Variants in F10 observed in about 807,000 individuals in gnomAD.
The protein encoded by F10 is Stuart-Prower factor.
A neutral mutation model predicts 37.1 loss-of-function variants in F10; 29 were observed. That is an observed-to-expected ratio of 0.78 (90% CI 0.58 to 1.07). The LOEUF is 1.07. F10 is among the 50% of genes least tolerant of loss of function. The pLI, the probability that F10 is intolerant of heterozygous loss-of-function variation, is 0.00. For synonymous variants in F10, 262 were observed against 268.6 expected (o/e 0.98, Z 0.24); for missense variants, 539 against 667.9 (o/e 0.81, Z 2.13).
At position 113,126,788 on chromosome 13, in the gene F10, C is replaced by T. The variant is rs797006777; in HGVS notation, c.71-2664C>T. Among the ~76,000 whole-genome samples the T allele has an allele frequency of 2.0e-4, 31 of 152,326 alleles. 2 individuals carry two copies. In the South Asian group the frequency reaches 6.2e-3, roughly 31 times the overall value. On this transcript the variant is annotated intron_variant, in intron 1 of 7. Transcript: ENST00000375559. The stretch of plus-strand genomic sequence containing the variant: ...CCAGTTTGGGAAACACTAAGCCAGG[C>T]TTGGATAACTTGTCTGAGGCTGTGG...
chr13:113,142,360 T>G (rs1416485479), intron 5 of F10, among the ~76,000 whole-genome samples: 2 of 147,044 alleles, frequency 1.4e-5, no homozygotes, highest in South Asian at 2.2e-4. Flanking sequence ...GCCAACACAG[T>G]GAAACCCCGT....
At chr13:113,145,403 A>G (rs773575758) in intron 6 of F10, among the ~76,000 whole-genome samples, 1 of 151,816 alleles carries the variant, frequency 6.6e-6, no homozygotes, top group Non-Finnish European at 1.5e-5. Flanking sequence ...TTAAATTTCA[A>G]TTTCACATAA....
Position 113,141,087 on chromosome 13 carries a change from C to T in F10, c.502+37C>T. 1 of 1,611,102 alleles carries T rather than the reference C, an allele frequency of 6.2e-7. No homozygotes were observed. The highest frequency in any genetic ancestry group is 2.2e-5 in the East Asian group (1 of 44,856). On this transcript the variant is annotated intron_variant, in intron 5 of 7. Transcript: ENST00000375559. This position sits in a 1 kb window ranked among gnomAD's most constrained non-coding sequence, Gnocchi z 5.4. ...GTTGGGCCACAGCCACCCGCTGCCG[C>T]TGGGCCGGGCCAGGGAGGACAAGCC...
chr13:113,147,521 C>A, intron 7 of F10, 25 bp downstream of exon 7: 1 of 1,428,136 alleles, frequency 7.0e-7, no homozygotes, highest in Non-Finnish European at 9.9e-7. Context: ...GCCCCCAGGG[C>A]CGTGGTGAGG....
intron 2 of F10, among the ~76,000 whole-genome samples, chr13:113,133,526 A>G (rs1186204898): frequency 6.6e-6 from 1 of 152,210 alleles, no homozygotes; most frequent in Non-Finnish European, 1.5e-5. Context: ...ATACCTGCCA[A>G]TTCAATTCTT....
At chr13:113,132,964 G>A (rs184628731) in intron 2 of F10, among the ~76,000 whole-genome samples, 11 of 152,168 alleles carry the variant, frequency 7.2e-5, no homozygotes, top group East Asian at 5.8e-4. Flanking sequence ...CTAAGTACTC[G>A]GAAATTAAGT....
chr13:113,134,905 A>G (rs900272996), intron 2 of F10, among the ~76,000 whole-genome samples: 2 of 152,220 alleles, frequency 1.3e-5, no homozygotes, highest in Non-Finnish European at 2.9e-5. Context: ...ATAAATAGAG[A>G]CACATACAGT....
At chr13:113,145,606 A>G (rs1333223438) in intron 6 of F10, among the ~76,000 whole-genome samples, 2 of 152,172 alleles carry the variant, frequency 1.3e-5, no homozygotes, top group Admixed American at 1.3e-4. Flanking sequence ...ACACATACAT[A>G]CCCGAGACTG....
chr13:113,147,532 G>C (rs1294595442), intron 7 of F10, 36 bp downstream of exon 7: 2 of 1,231,698 alleles, frequency 1.6e-6, no homozygotes. Flanking sequence ...CGTGGTGAGG[G>C]GCACCGTCAC....
intron 2 of F10, chr13:113,130,425 G>C (rs1293016971): frequency 6.5e-6 from 1 of 152,782 alleles, no homozygotes; most frequent in Non-Finnish European, 1.5e-5. Flanking sequence ...GGTGCCTGCA[G>C]GACAGGGCTC....
chr13:113,148,892 C>T (rs2036609975), intron 7 of F10, 24 bp from the exon 8 acceptor site: 1 of 1,610,476 alleles, frequency 6.2e-7, no homozygotes, highest in Non-Finnish European at 8.5e-7. Context: ...CTGAGCTGAG[C>T]ACAGTCCCAC....
intron 2 of F10, chr13:113,132,149 CT>C (rs2036440412): frequency 1.3e-5 from 2 of 152,208 alleles, no homozygotes; most frequent in Non-Finnish European, 2.9e-5. Context: ...TTAAGAATTC[CT>C]TTTTATTACT....
intron 6 of F10, among the ~76,000 whole-genome samples, chr13:113,145,800 C>T (rs547974808): frequency 3.3e-5 from 5 of 152,306 alleles, no homozygotes; most frequent in African/African-American, 1.2e-4. Context: ...TTATTCACTT[C>T]CACCAGAACA....
intron 6 of F10, 46 bp from the exon 7 acceptor site, chr13:113,147,333 C>G (rs1433668424): frequency 7.4e-7 from 1 of 1,345,170 alleles, no homozygotes; most frequent in Non-Finnish European, 1.1e-6. Flanking sequence ...TCAGGCAACA[C>G]CTGTCCACCT....
In F10 at chr13:113,149,400, G is replaced by A. The variant is rs766589322; in HGVS notation, c.1350G>A (p.Gly450=). ...GEGCARKGKY[G]IYTKVTAFLK... ...GCTGTGCCCGTAAGGGGAAGTACGG[G>A]ATCTACACCAAGGTCACCGCCTTCC... Residue 450 remains glycine (G), a synonymous_variant, in exon 8 of 8, where the codon GGG becomes GGA. Transcript: ENST00000375559. The surrounding 1 kb of genome is among the most constrained non-coding windows in gnomAD (Gnocchi z 7.5). 85 of 1,612,932 alleles carry A rather than the reference G, an allele frequency of 5.3e-5. No individual in the cohort carries two copies. The South Asian group carries it at 9.1e-4, about 17-fold the overall frequency.
intron 2 of F10, among the ~76,000 whole-genome samples, chr13:113,132,516 T>C (rs2036443842): frequency 6.6e-6 from 1 of 152,222 alleles, no homozygotes; most frequent in East Asian, 1.9e-4. Context: ...GACGACTGAA[T>C]TAAAGGTTAT....
rs1168389942 is a variant in F10 at position 113,141,597 on chromosome 13, G to A, written c.502+547G>A. Among the ~76,000 whole-genome samples, 3 of 152,210 alleles carry A rather than the reference G, an allele frequency of 2.0e-5. No individual in the cohort carries two copies. The highest frequency in any genetic ancestry group is 7.2e-5 in the African/African-American group (3 of 41,462). On this transcript the variant is annotated intron_variant, in intron 5 of 7. Coordinates refer to ENST00000375559, the MANE Select transcript of F10 (RefSeq NM_000504.4). The surrounding 1 kb of genome is among the most constrained non-coding windows in gnomAD (Gnocchi z 5.4). ...AATGTGGACAACAGGCGGCCAGAGGGCAGTGAGCACAGGACAGGCAGGGGA... is the reference window on the plus strand; with the variant it reads ...AATGTGGACAACAGGCGGCCAGAGGACAGTGAGCACAGGACAGGCAGGGGA...
rs759752338 is a variant in F10 at position 113,141,544 on chromosome 13, T to C, written c.502+494T>C. On this transcript the variant is annotated intron_variant, in intron 5 of 7. Coordinates refer to ENST00000375559, the MANE Select transcript of F10 (RefSeq NM_000504.4). This position sits in a 1 kb window ranked among gnomAD's most constrained non-coding sequence, Gnocchi z 5.4. ...CTCCTTTTACCAGGACCAGTGTTCA[T>C]TGAACGTAGTTTTTCTTTTCCTTGA... Among the ~76,000 whole-genome samples the C allele has an allele frequency of 4.8e-4, 73 of 152,264 alleles. No individual in the cohort carries two copies. Among genetic ancestry groups the C allele is most frequent in the Non-Finnish European group, 7.4e-4 (50 of 68,016 alleles).
chr13:113,124,801 A>G (rs1326559362), intron 1 of F10, among the ~76,000 whole-genome samples: 1 of 152,206 alleles, frequency 6.6e-6, no homozygotes, highest in Non-Finnish European at 1.5e-5. Context: ...CATTTCTCCC[A>G]CAGCTCTGGA....
Sources: allele counts gnomAD v4.1 joint callset (sites outside exome capture counted in the v4.1 genomes callset), GRCh38; gene constraint gnomAD v4.1.1; non-coding constraint Gnocchi (gnomAD v3.1); transcripts MANE v1.5; gene names NCBI Gene and HGNC (gene_info 2026-07-23, HGNC 2026-07-21).